The following ANO10 variants were observed in gnomAD, a reference collection of about 807,000 sequenced individuals.
ANO10 encodes anoctamin-10.
Under a neutral mutation model 74.7 loss-of-function variants are expected in ANO10, and 77 were observed. That is an observed-to-expected ratio of 1.03 (90% CI 0.86 to 1.25). ANO10 has a LOEUF of 1.25. Among genes scored for constraint, ANO10 ranks in the 50% most tolerant of loss-of-function variants. The pLI is 0.00. For synonymous variants in ANO10, 279 were observed against 284.9 expected (o/e 0.98, Z 0.21); for missense variants, 721 against 778.1 (o/e 0.93, Z 0.87).
chr3:43,412,789 G>A (rs1256089760), intron 12 of ANO10, among the ~76,000 whole-genome samples: 1 of 152,158 alleles, frequency 6.6e-6, no homozygotes, highest in Non-Finnish European at 1.5e-5. Flanking sequence ...CGTGGCTCAC[G>A]CCTGTAATCC....
At position 43,549,754 on chromosome 3, in the gene ANO10, T is replaced by C; in HGVS notation, c.1763A>G (p.Lys588Arg). The change falls in exon 11 of 13, where the codon AAA becomes AGA. Residue 588 changes from lysine (K) to arginine (R), a missense_variant. Transcript: ENST00000292246. ...TACTACAATCAAAATGAGGTCTGCT[T>C]TTGATTCTGGAAAGACTGCATTCAC... ...PQVNAVFPES[K>R]ADLILIVVAV... 6.2e-7 allele frequency: 1 copy of C among 1,614,060 alleles called. No individual in the cohort carries two copies. The highest frequency in any genetic ancestry group is 2.2e-5 in the East Asian group (1 of 44,858).
intron 7 of ANO10, among the ~76,000 whole-genome samples, chr3:43,570,287 C>A: frequency 6.8e-6 from 1 of 147,900 alleles, no homozygotes; most frequent in Non-Finnish European, 1.5e-5. Context: ...CAATGCCATC[C>A]CCATCAAGCT....
chr3:43,469,957 A>C (rs921317228), intron 11 of ANO10, among the ~76,000 whole-genome samples: 5 of 152,242 alleles, frequency 3.3e-5, no homozygotes, highest in Admixed American at 6.5e-5. Flanking sequence ...CAGTCAATGT[A>C]AAGCTTAACA....
chr3:43,497,178 T>C (rs2076947514), intron 11 of ANO10, among the ~76,000 whole-genome samples: 1 of 152,228 alleles, frequency 6.6e-6, no homozygotes, highest in South Asian at 2.1e-4. Context: ...AGGGTAAATG[T>C]GTGAGTAATT....
At chr3:43,415,084 C>A (rs534307468) in intron 12 of ANO10, among the ~76,000 whole-genome samples, 2 of 148,280 alleles carry the variant, frequency 1.3e-5, no homozygotes, top group Non-Finnish European at 3.0e-5. Flanking sequence ...AAGAGATTCT[C>A]GTTCCTGAGC....
chr3:43,655,484 G>A (rs528271088), intron 1 of ANO10, among the ~76,000 whole-genome samples: 1 of 152,338 alleles, frequency 6.6e-6, no homozygotes, highest in South Asian at 2.1e-4. Flanking sequence ...CAGTGTGGGA[G>A]GGGACCCAAG....
At chr3:43,560,993 A>C (rs1335735468) in intron 9 of ANO10, among the ~76,000 whole-genome samples, 2 of 152,146 alleles carry the variant, frequency 1.3e-5, no homozygotes, top group African/African-American at 2.4e-5. Context: ...AATTCTCCAA[A>C]TTTGCCCTTT....
intron 1 of ANO10, among the ~76,000 whole-genome samples, chr3:43,648,912 C>T (rs2083756459): frequency 6.6e-6 from 1 of 152,112 alleles, no homozygotes; most frequent in South Asian, 2.1e-4. Flanking sequence ...CTCCTGACCT[C>T]GTGATCCGCC....
intron 11 of ANO10, among the ~76,000 whole-genome samples, chr3:43,503,226 T>TA (rs201087521): frequency 0.012 from 1,880 of 152,294 alleles, 22 homozygotes; most frequent in Non-Finnish European, 0.02. Flanking sequence ...ATCAAGCTGT[T>TA]AAACATTACA....
intron 10 of ANO10, among the ~76,000 whole-genome samples, chr3:43,551,836 T>G (rs1323940589): frequency 6.6e-6 from 1 of 152,230 alleles, no homozygotes; most frequent in Non-Finnish European, 1.5e-5. Context: ...TGACTTGAGA[T>G]TCTTAGAGAC....
At chr3:43,645,063 T>A (rs562124301) in intron 1 of ANO10, among the ~76,000 whole-genome samples, 3 of 152,286 alleles carry the variant, frequency 2.0e-5, no homozygotes, top group Non-Finnish European at 4.4e-5. Flanking sequence ...ATTTAAAAAT[T>A]TACAAAGCCA....
chr3:43,516,618 A>C (rs2077723229), intron 11 of ANO10, among the ~76,000 whole-genome samples: 1 of 152,154 alleles, frequency 6.6e-6, no homozygotes, highest in Non-Finnish European at 1.5e-5. Flanking sequence ...AAAGAAACTG[A>C]AGTCAAGGAT....
At chr3:43,592,350 T>C (rs1385330550) in intron 4 of ANO10, among the ~76,000 whole-genome samples, 1 of 152,100 alleles carries the variant, frequency 6.6e-6, no homozygotes, top group Non-Finnish European at 1.5e-5. Flanking sequence ...CAACTCCCAG[T>C]CGGGGCCAAC....
At chr3:43,644,724 C>T (rs2083708442) in intron 1 of ANO10, among the ~76,000 whole-genome samples, 1 of 152,234 alleles carries the variant, frequency 6.6e-6, no homozygotes. Context: ...TCTCCATAAC[C>T]ACCTCTTCAA....
chr3:43,375,458 G>GA (rs2091768699), intron 12 of ANO10, among the ~76,000 whole-genome samples: 1 of 151,980 alleles, frequency 6.6e-6, no homozygotes, highest in African/African-American at 2.4e-5. Flanking sequence ...CAGAAAAAGA[G>GA]AATCAAGTTT....
chr3:43,576,355 C>T (rs1453888418), intron 6 of ANO10, among the ~76,000 whole-genome samples: 1 of 152,192 alleles, frequency 6.6e-6, no homozygotes, highest in Non-Finnish European at 1.5e-5. Flanking sequence ...TATTTGCTGT[C>T]TGAACCTCAT....
intron 1 of ANO10, among the ~76,000 whole-genome samples, chr3:43,688,124 C>A (rs1214840427): frequency 6.6e-6 from 1 of 152,162 alleles, no homozygotes; most frequent in Non-Finnish European, 1.5e-5. Context: ...TCTGCATAAA[C>A]TCTAGTATTG....
At chr3:43,569,329 C>G (rs1378633580) in intron 7 of ANO10, among the ~76,000 whole-genome samples, 2 of 143,170 alleles carry the variant, frequency 1.4e-5, no homozygotes, top group Non-Finnish European at 3.0e-5. Flanking sequence ...CTCCCTAACT[C>G]ATTTTATGAG....
chr3:43,549,866 G>C lies in ANO10; in HGVS notation c.1669-18C>G. 1 of 1,613,130 alleles carries C rather than the reference G, an allele frequency of 6.2e-7. No homozygotes were observed. Among genetic ancestry groups the C allele is most frequent in the East Asian group, 2.2e-5 (1 of 44,852 alleles). On this transcript the variant is annotated intron_variant, in intron 10 of 12. Transcript: ENST00000292246. ...AAAGCCAACTAAAAGAAAAAAGAAT[G>C]GAAATTAAAAATTGCAATGACTGCT...
Sources: allele counts gnomAD v4.1 joint callset (sites outside exome capture counted in the v4.1 genomes callset), GRCh38; gene constraint gnomAD v4.1.1; transcripts MANE v1.5; gene names NCBI Gene and HGNC (gene_info 2026-07-23, HGNC 2026-07-21).